TRAK2: variants seen among roughly 807,000 people sequenced by gnomAD.
The protein encoded by TRAK2 is trafficking kinesin protein 2.
In TRAK2, 81 loss-of-function variants were observed where a neutral mutation model predicts 104.6. The ratio of observed to expected loss-of-function variants is 0.77; its 90% confidence interval spans 0.65 to 0.93. The LOEUF (loss-of-function observed/expected upper bound fraction) is 0.93. Among genes scored for constraint, TRAK2 ranks in the 40% least tolerant of loss-of-function variants. The probability of loss-of-function intolerance (pLI) is 0.00; values close to 1 mark genes in which losing one functional copy is unlikely to be tolerated. For missense variants in TRAK2, 1,002 were observed against 1,089.0 expected (o/e 0.92, Z 1.12); for synonymous variants, 406 against 394.4 (o/e 1.03, Z -0.35).
intron 1 of TRAK2, among the ~76,000 whole-genome samples, chr2:201,442,054 A>G (rs1475828367): frequency 2.0e-5 from 3 of 151,742 alleles, no homozygotes; most frequent in Admixed American, 2.0e-4. Flanking sequence ...ACTGGCCTGA[A>G]TAACCCCAAA....
At position 201,403,746 on chromosome 2, in the gene TRAK2, GA is replaced by G. The variant is rs77118143; in HGVS notation, c.287-2653del. Among the ~76,000 whole-genome samples, 443 of 92,438 alleles carry G rather than the reference GA, an allele frequency of 4.8e-3. 1 individual carries two copies. The highest frequency in any genetic ancestry group is 0.014 in the African/African-American group (347 of 24,920). 60.6% of individuals were successfully genotyped at this position (92,438 alleles called of 152,430 possible). On this transcript the variant is annotated intron_variant, in intron 3 of 15. Transcript: ENST00000332624. ...TAGAACAAATGTTATTTTCCAAACA[GA>G]AAAAAAAAAAAAACCCACAAAAACC... is the stretch of plus-strand genomic sequence containing the variant.
At chr2:201,429,900 C>A (rs1179329629) in intron 1 of TRAK2, among the ~76,000 whole-genome samples, 4 of 152,226 alleles carry the variant, frequency 2.6e-5, no homozygotes, top group African/African-American at 9.6e-5. Context: ...CGAGGAGATG[C>A]ATTCCTTTGG....
At chr2:201,436,892 T>A (rs564235659) in intron 1 of TRAK2, among the ~76,000 whole-genome samples, 1 of 152,280 alleles carries the variant, frequency 6.6e-6, no homozygotes, top group East Asian at 1.9e-4. Context: ...TGAGTGATGG[T>A]CAGGATGGAG....
chr2:201,439,940 G>C (rs1462430456), intron 1 of TRAK2, among the ~76,000 whole-genome samples: 6 of 111,246 alleles, frequency 5.4e-5, no homozygotes, highest in Non-Finnish European at 1.1e-4. Flanking sequence ...GTTGTGGGGT[G>C]GGGGGAGGGG....
In TRAK2 at chr2:201,430,342, A is replaced by G. The variant is rs576399356; in HGVS notation, c.-199-9636T>C. 2.0e-5 allele frequency among the ~76,000 whole-genome samples: 3 copies of G among 152,316 alleles called. No individual in the cohort carries two copies. In the South Asian group the frequency reaches 6.2e-4, roughly 32 times the overall value. Reference sequence around the variant, plus strand: ...CAAACTCCGTGCTGGGAGAACCACTATTCTCTTCAAAGCTGTCAGACAGGG... The same window carrying G: ...CAAACTCCGTGCTGGGAGAACCACTGTTCTCTTCAAAGCTGTCAGACAGGG... On this transcript the variant is annotated intron_variant, in intron 1 of 15. Coordinates refer to ENST00000332624, the MANE Select transcript of TRAK2 (RefSeq NM_015049.3).
intron 1 of TRAK2, among the ~76,000 whole-genome samples, chr2:201,424,111 T>C (rs773338498): frequency 1.3e-5 from 2 of 152,088 alleles, no homozygotes; most frequent in Non-Finnish European, 2.9e-5. Context: ...ATAAAGGAAA[T>C]AGAATTATAA....
chr2:201,386,961 G>C (rs1231851412), intron 13 of TRAK2, among the ~76,000 whole-genome samples: 2 of 152,196 alleles, frequency 1.3e-5, no homozygotes, highest in African/African-American at 2.4e-5. Context: ...CAGAACCCTG[G>C]TGAATGATCA....
intron 4 of TRAK2, 29 bp from the exon 5 acceptor site, chr2:201,399,522 T>G: frequency 6.4e-7 from 1 of 1,563,186 alleles, no homozygotes; most frequent in Non-Finnish European, 8.8e-7. Context: ...CACCTTTTCT[T>G]TGAGTATAAA....
intron 2 of TRAK2, chr2:201,413,392 T>C: frequency 1.7e-6 from 1 of 579,124 alleles, no homozygotes; most frequent in South Asian, 2.5e-5. Flanking sequence ...CCCACCCCCC[T>C]AAACACAGGC....
chr2:201,397,922 A>C, intron 6 of TRAK2: 1 of 574,566 alleles, frequency 1.7e-6, no homozygotes, highest in Admixed American at 3.0e-5. Flanking sequence ...TACATTTTCT[A>C]TCCTGTGACT....
rs1345329976 is a variant in TRAK2 at position 201,381,005 on chromosome 2, C to T, written c.2283G>A (p.Glu761=). 6.2e-7 allele frequency: 1 copy of T among 1,614,024 alleles called. No individual in the cohort carries two copies. The highest frequency in any genetic ancestry group is 1.7e-5 in the Admixed American group (1 of 59,992). The change falls in exon 16 of 16, where the codon GAG becomes GAA. Residue 761 remains glutamate, a synonymous_variant. Transcript: ENST00000332624. ...ATTTAGGGAGAGGCTGGAGGGGGTTCTCTGAAATTGGGCTGTGGTACACTT... is the reference window on the plus strand; with the variant it reads ...ATTTAGGGAGAGGCTGGAGGGGGTTTTCTGAAATTGGGCTGTGGTACACTT... ...SAKVYHSPIS[E]NPLQPLPKSL... is the part of the protein sequence containing the mutation.
In TRAK2 at chr2:201,398,189, TTTC is replaced by T; in HGVS notation, c.643_645del (p.Glu215del). 1 of 1,613,782 alleles carries T rather than the reference TTTC, an allele frequency of 6.2e-7. No homozygotes were observed. Among genetic ancestry groups the T allele is most frequent in the Non-Finnish European group, 8.5e-7 (1 of 1,179,720 alleles). On this transcript the variant is annotated inframe_deletion, in exon 6 of 16. Transcript: ENST00000332624. Reference sequence around the variant, plus strand: ...TTCTCTTCTTCCAGTTCCTTGAGCTTTTCTTGCAGCATTTCCAACTGCAGCAAC... The same window carrying T: ...TTCTCTTCTTCCAGTTCCTTGAGCTTTTGCAGCATTTCCAACTGCAGCAAC...
chr2:201,412,052 T>G, intron 2 of TRAK2: 1 of 1,096,280 alleles, frequency 9.1e-7, no homozygotes, highest in South Asian at 1.2e-5. Flanking sequence ...TAACAAAATC[T>G]GGATTGGCTC....
chr2:201,398,231 T>C lies in TRAK2; in HGVS notation c.604A>G (p.Ser202Gly), dbSNP rs1951519636. The C allele has an allele frequency of 6.2e-7, 1 of 1,613,656 alleles. No homozygotes were observed. The highest frequency in any genetic ancestry group is 8.5e-7 in the Non-Finnish European group (1 of 1,179,762). The change falls in exon 6 of 16, where the codon AGC becomes GGC. Residue 202 changes from serine (S) to glycine (G), a missense_variant. Transcript: ENST00000332624. ...STPLRFNESF[S>G]LSQGLLQLEM... ...AACTGCAGCAACCCTTGAGATAAGCTAAAGGACTCATTGAACCGAAGAGGT... is the reference window on the plus strand; with the variant it reads ...AACTGCAGCAACCCTTGAGATAAGCCAAAGGACTCATTGAACCGAAGAGGT...
In TRAK2 at chr2:201,398,140, C is replaced by T. The variant is rs370999773; in HGVS notation, c.690+5G>A. 5.6e-5 allele frequency: 91 copies of T among 1,612,850 alleles called. No homozygotes were observed. The African/African-American group carries it at 6.3e-4, about 11-fold the overall frequency. On this transcript the variant is annotated splice_donor_5th_base_variant and intron_variant, in intron 6 of 15. Coordinates refer to ENST00000332624, the MANE Select transcript of TRAK2 (RefSeq NM_015049.3). ...AAAGGAAAATGGCAATTAGGTTGAA[C>T]GTACCTTGGATCGAAGAGCCATATT... is the stretch of plus-strand genomic sequence containing the variant.
chr2:201,405,608 TA>T (rs1292253773), intron 3 of TRAK2, among the ~76,000 whole-genome samples: 2 of 152,166 alleles, frequency 1.3e-5, no homozygotes, highest in Non-Finnish European at 2.9e-5. Context: ...AAAGAACAAA[TA>T]AACTAAAGGG....
intron 12 of TRAK2, 104 bp from the exon 13 acceptor site, chr2:201,388,105 C>T (rs759286719): frequency 8.0e-7 from 1 of 1,242,900 alleles, no homozygotes; most frequent in South Asian, 1.2e-5. Flanking sequence ...ATATTAAAAA[C>T]ATGATATTTT....
chr2:201,430,127 G>A (rs1951828944), intron 1 of TRAK2, among the ~76,000 whole-genome samples: 1 of 152,184 alleles, frequency 6.6e-6, no homozygotes, highest in Admixed American at 6.5e-5. Flanking sequence ...ATCACCAGCG[G>A]GGGCTGCAGA....
intron 1 of TRAK2, among the ~76,000 whole-genome samples, chr2:201,445,782 T>C (rs1484705451): frequency 6.6e-6 from 1 of 152,244 alleles, no homozygotes; most frequent in Non-Finnish European, 1.5e-5. Flanking sequence ...TAAATTTGAC[T>C]AGTTCAGATT....
Sources: allele counts gnomAD v4.1 joint callset (sites outside exome capture counted in the v4.1 genomes callset), GRCh38; gene constraint gnomAD v4.1.1; transcripts MANE v1.5; gene names NCBI Gene and HGNC (gene_info 2026-07-23, HGNC 2026-07-21).